Variants in USP54 observed in about 807,000 individuals in gnomAD.
USP54 encodes ubiquitin carboxyl-terminal hydrolase 54.
In USP54, 87 loss-of-function variants were observed where a neutral mutation model predicts 170.5. The ratio of observed to expected loss-of-function variants is 0.51; its 90% CI spans 0.43 to 0.61. The LOEUF (loss-of-function observed/expected upper bound fraction) is 0.61. USP54 is among the 20% of genes least tolerant of loss of function. The pLI, the probability that USP54 is intolerant of heterozygous loss-of-function variation, is 0.00. For synonymous variants in USP54, 655 were observed against 742.8 expected (o/e 0.88, Z 1.92); for missense variants, 1,786 against 2,047.8 (o/e 0.87, Z 2.47).
At position 73,516,363 on chromosome 10, in the gene USP54, T is replaced by C. The variant is rs2061094017; in HGVS notation, c.4051+12A>G. The C allele has an allele frequency of 6.3e-7, 1 of 1,582,722 alleles. No individual in the cohort carries two copies. The highest frequency in any genetic ancestry group is 8.6e-7 in the Non-Finnish European group (1 of 1,162,882). On this transcript the variant is annotated intron_variant, in intron 20 of 23. Transcript: ENST00000687698. ...CCTCCCCCCTCCCCCCAACCCCTGG[T>C]TGCATTCTTACCTGTTTGGCTAAGT...
At chr10:73,586,825 C>T (rs1003791601) in intron 1 of USP54, among the ~76,000 whole-genome samples, 1 of 152,174 alleles carries the variant, frequency 6.6e-6, no homozygotes, top group African/African-American at 2.4e-5. Flanking sequence ...AACTCTCCAG[C>T]GAATAGTTAC....
chr10:73,569,932 A>AAAAAAAAAAAAAAAAAAAC, intron 4 of USP54, among the ~76,000 whole-genome samples: 1 of 142,866 alleles, frequency 7.0e-6, no homozygotes, highest in Non-Finnish European at 1.5e-5. Flanking sequence ...AAAAAAAAAA[A>AAAAAAAAAAAAAAAAAAAC]AAAAAAAACA....
intron 12 of USP54, among the ~76,000 whole-genome samples, chr10:73,533,988 C>CA (rs2064630715): frequency 2.0e-5 from 3 of 152,080 alleles, no homozygotes; most frequent in Admixed American, 6.5e-5. Flanking sequence ...CTACGGGAAT[C>CA]AAGAGTATAG....
intron 20 of USP54, among the ~76,000 whole-genome samples, chr10:73,510,074 C>A (rs985490569): frequency 6.6e-6 from 1 of 152,054 alleles, no homozygotes; most frequent in Admixed American, 6.5e-5. Context: ...TGGTGGCTCA[C>A]GCCTGTAATC....
At chr10:73,548,130 A>G (rs1484702508) in intron 4 of USP54, among the ~76,000 whole-genome samples, 2 of 152,250 alleles carry the variant, frequency 1.3e-5, no homozygotes, top group African/African-American at 4.8e-5. Context: ...ACATGAAAAA[A>G]TGCTCATCGT....
chr10:73,621,354 C>A (rs1173959361), intron 1 of USP54, among the ~76,000 whole-genome samples: 2 of 149,632 alleles, frequency 1.3e-5, no homozygotes, highest in Non-Finnish European at 2.9e-5. Context: ...GTAATCCCAG[C>A]ACGTTGGGAG....
chr10:73,520,854 C>G, intron 18 of USP54, 54 bp downstream of exon 18: 2 of 1,611,710 alleles, frequency 1.2e-6, no homozygotes, highest in Non-Finnish European at 1.7e-6. Context: ...ACTAATAATA[C>G]CTATTGTGAA....
chr10:73,523,278 A>G (rs2062216373), intron 17 of USP54, among the ~76,000 whole-genome samples: 1 of 152,170 alleles, frequency 6.6e-6, no homozygotes, highest in African/African-American at 2.4e-5. Context: ...TGCCATTTTC[A>G]GCTATTTCTG....
At chr10:73,569,970 A>G (rs1439984486) in intron 4 of USP54, among the ~76,000 whole-genome samples, 1 of 149,422 alleles carries the variant, frequency 6.7e-6, no homozygotes, top group South Asian at 2.1e-4. Context: ...GGTCAAAAAA[A>G]ATTTTGAGTC....
chr10:73,600,679 T>C (rs1177493742), intron 1 of USP54, among the ~76,000 whole-genome samples: 2 of 152,112 alleles, frequency 1.3e-5, no homozygotes, highest in Non-Finnish European at 2.9e-5. Flanking sequence ...TTCGGGAGGC[T>C]GAGGCAGGCG....
At chr10:73,560,943 A>T (rs1395740111) in intron 4 of USP54, among the ~76,000 whole-genome samples, 1 of 150,364 alleles carries the variant, frequency 6.7e-6, no homozygotes, top group Non-Finnish European at 1.5e-5. Flanking sequence ...TCTCTACTAA[A>T]AAAATACAAA....
At chr10:73,505,202 C>G in intron 21 of USP54, 106 bp downstream of exon 21, 2 of 1,269,044 alleles carry the variant, frequency 1.6e-6, no homozygotes, top group Non-Finnish European at 2.2e-6. Flanking sequence ...CTGATAGCCC[C>G]ATATCACCAT....
chr10:73,569,929 A>AAAAAAAAAAAAAAAAC (rs1564867742), intron 4 of USP54, among the ~76,000 whole-genome samples: 1 of 135,656 alleles, frequency 7.4e-6, no homozygotes, highest in Admixed American at 7.3e-5. Flanking sequence ...AAAAAAAAAA[A>AAAAAAAAAAAAAAAAC]AAAAAAAAAA....
chr10:73,604,634 A>C (rs949892322), intron 1 of USP54, among the ~76,000 whole-genome samples: 1 of 147,698 alleles, frequency 6.8e-6, no homozygotes, highest in African/African-American at 2.5e-5. Context: ...ATTGTTGCCG[A>C]GGCTGGAGTG....
At chr10:73,555,390 TA>T (rs2070708462) in intron 4 of USP54, among the ~76,000 whole-genome samples, 1 of 152,218 alleles carries the variant, frequency 6.6e-6, no homozygotes, top group South Asian at 2.1e-4. Context: ...ATTCTGTTCA[TA>T]ACAATATTTT....
At chr10:73,541,834 C>T (rs2066658099) in intron 7 of USP54, 96 bp from the exon 8 acceptor site, 1 of 1,230,266 alleles carries the variant, frequency 8.1e-7, no homozygotes, top group African/African-American at 1.5e-5. Flanking sequence ...ATTTGACTTT[C>T]TTCCTCTGCC....
chr10:73,499,267 G>A, intron 23 of USP54, 79 bp from the exon 24 acceptor site: 1 of 1,404,326 alleles, frequency 7.1e-7, no homozygotes, highest in South Asian at 1.4e-5. Flanking sequence ...GCCTAGCTGT[G>A]TAGCCCAATT....
At position 73,519,968 on chromosome 10, in the gene USP54, C is replaced by A. The variant is rs1330119458; in HGVS notation, c.2507G>T (p.Gly836Val). The change falls in exon 19 of 24, where the codon GGT (glycine) becomes GTT (valine). Residue 836 changes from glycine to valine, a missense_variant. Transcript: ENST00000687698. ...TCTGCTGTGCGTGCTACAGCTGGCA[C>A]CATGCAGGGCAAGTCTTAGTTTAGC... is the stretch of plus-strand genomic sequence containing the variant. ...AISKLRLALH[G>V]ASCSTHSRAL... 10 of 1,610,694 alleles carry A rather than the reference C, an allele frequency of 6.2e-6. No individual in the cohort carries two copies. In the Admixed American group the frequency reaches 1.5e-4, roughly 24 times the overall value.
intron 1 of USP54, among the ~76,000 whole-genome samples, chr10:73,608,959 A>G (rs1274607149): frequency 6.6e-6 from 1 of 152,220 alleles, no homozygotes; most frequent in African/African-American, 2.4e-5. Flanking sequence ...TATGTATTAT[A>G]GATATCAGTA....
Sources: gnomAD v4.1 joint callset for allele counts (sites outside exome capture counted in the v4.1 genomes callset) on GRCh38, gnomAD v4.1.1 for gene constraint, MANE v1.5 for transcripts, NCBI Gene and HGNC (gene_info 2026-07-23, HGNC 2026-07-21) for gene names.